Variants in ERCC5 observed in about 807,000 individuals in gnomAD.
The protein encoded by ERCC5 is ERCC excision repair 5, endonuclease, also known as DNA excision repair protein ERCC-5.
Under a neutral mutation model 105.6 loss-of-function variants are expected in ERCC5, and 68 were observed. The ratio of observed to expected loss-of-function variants is 0.64; its 90% CI spans 0.53 to 0.79. The LOEUF (loss-of-function observed/expected upper bound fraction) is 0.79. Among genes scored for constraint, ERCC5 ranks in the 30% least tolerant of loss-of-function variants. The pLI is 0.00. For missense variants in ERCC5, 1,373 were observed against 1,426.7 expected (o/e 0.96, Z 0.61); for synonymous variants, 546 against 526.2 (o/e 1.04, Z -0.51).
chr13:102,856,822 C>A (rs2140521790), intron 5 of ERCC5, among the ~76,000 whole-genome samples: 1 of 152,322 alleles, frequency 6.6e-6, no homozygotes, highest in East Asian at 1.9e-4. Context: ...CTCCACGTGG[C>A]CTGGGCATTT....
At chr13:102,860,720 A>G (rs1450814527) in intron 6 of ERCC5, among the ~76,000 whole-genome samples, 2 of 152,230 alleles carry the variant, frequency 1.3e-5, no homozygotes, top group African/African-American at 4.8e-5. Flanking sequence ...TTGTGAGAAT[A>G]AAATGAGGTA....
Position 102,848,935 on chromosome 13 carries a change from T to G in ERCC5, c.88+2581T>G, listed in dbSNP as rs572888556. ...ACCTCAGTCTCTATGATTTAGAATT[T>G]TAGGCCCATGGGGTTTAATAATCCG... On this transcript the variant is annotated intron_variant, in intron 1 of 14. Transcript: ENST00000652225. Among the ~76,000 whole-genome samples the G allele has an allele frequency of 3.3e-5, 5 of 152,292 alleles. 1 individual carries two copies. The highest frequency in any genetic ancestry group is 7.2e-5 in the African/African-American group (3 of 41,566).
In ERCC5 at chr13:102,846,044, G is replaced by A; in HGVS notation, c.-223G>A. The stretch of plus-strand genomic sequence containing the variant: ...TGGACCTGTCTTTCTTCCGGGAGGC[G>A]GTGACAGCTGCTGAGACGTGTTGCA... On this transcript the variant is annotated 5_prime_UTR_variant, in exon 1 of 15. Transcript: ENST00000652225. The A allele has an allele frequency of 7.1e-6, 4 of 564,984 alleles. No homozygotes were observed. The highest frequency in any genetic ancestry group is 4.6e-5 in the South Asian group (2 of 43,744). 35.0% of individuals were successfully genotyped at this position (564,984 alleles called of 1,614,324 possible).
At position 102,868,224 on chromosome 13, in the gene ERCC5, C is replaced by CT; in HGVS notation, c.2646dup (p.Gly883TrpfsTer16). Reference sequence around the variant, plus strand: ...GCCATGGAAATTCTCAATGAATTCCCTGGGCATGGCCTGGAACCTCTCCTA... The same window carrying CT: ...GCCATGGAAATTCTCAATGAATTCCCTTGGGCATGGCCTGGAACCTCTCCTA... On this transcript the variant is annotated frameshift_variant, in exon 12 of 15. Transcript: ENST00000652225. LOFTEE classifies it high-confidence loss of function. The CT allele has an allele frequency of 6.2e-7, 1 of 1,614,158 alleles. No individual in the cohort carries two copies. The highest frequency in any genetic ancestry group is 1.1e-5 in the South Asian group (1 of 91,086).
At chr13:102,868,902 T>G (rs937686384) in intron 12 of ERCC5, among the ~76,000 whole-genome samples, 3 of 152,232 alleles carry the variant, frequency 2.0e-5, no homozygotes, top group Non-Finnish European at 4.4e-5. Context: ...AAAGTAGTTT[T>G]TTCTTTGTCC....
In ERCC5 at chr13:102,853,805, A is replaced by G; in HGVS notation, c.313A>G (p.Thr105Ala). 1.2e-6 allele frequency: 2 copies of G among 1,614,252 alleles called. No individual in the cohort carries two copies. Among genetic ancestry groups the G allele is most frequent in the Non-Finnish European group, 1.7e-6 (2 of 1,180,046 alleles). Reference sequence around the variant, plus strand: ...CTTAGCGTCCAGTGACTCCAGGAAAACGACAGAGAAGCTTCTGAAAACATT... The same window carrying G: ...CTTAGCGTCCAGTGACTCCAGGAAAGCGACAGAGAAGCTTCTGAAAACATT... ...KDLASSDSRK[T>A]TEKLLKTFLK... is the part of the protein sequence containing the mutation. The change falls in exon 3 of 15, where the codon ACG becomes GCG. Residue 105 changes from threonine to alanine, a missense_variant. Physicochemically the swap from Thr to Ala is moderately conservative, Grantham distance 58. Coordinates refer to ENST00000652225, the MANE Select transcript of ERCC5 (RefSeq NM_000123.4).
At chr13:102,853,662 C>T (rs1882286090) in intron 2 of ERCC5, 95 bp from the exon 3 acceptor site, 3 of 1,302,912 alleles carry the variant, frequency 2.3e-6, no homozygotes, top group Non-Finnish European at 3.3e-6. Flanking sequence ...AGTCTGAAAA[C>T]TCAGACAAAC....
intron 11 of ERCC5, among the ~76,000 whole-genome samples, chr13:102,867,470 GA>G (rs1227007381): frequency 2.0e-5 from 3 of 152,172 alleles, no homozygotes; most frequent in African/African-American, 7.2e-5. Flanking sequence ...AAGCACTGTA[GA>G]TAGATACCTC....
chr13:102,855,268 T>C (rs1373434977), intron 4 of ERCC5, among the ~76,000 whole-genome samples: 1 of 152,180 alleles, frequency 6.6e-6, no homozygotes, highest in Non-Finnish European at 1.5e-5. Flanking sequence ...TTTCTTTTTT[T>C]TTTGAGATGG....
intron 2 of ERCC5, among the ~76,000 whole-genome samples, chr13:102,853,287 A>C (rs1476411712): frequency 6.6e-6 from 1 of 152,232 alleles, no homozygotes; most frequent in Non-Finnish European, 1.5e-5. Context: ...CACTACTTGA[A>C]CATTTCTTAC....
At chr13:102,848,827 G>A (rs1485236916) in intron 1 of ERCC5, among the ~76,000 whole-genome samples, 6 of 151,986 alleles carry the variant, frequency 3.9e-5, no homozygotes, top group Non-Finnish European at 1.5e-5. Flanking sequence ...TCATCTCTAA[G>A]AATTCAAGCC....
In ERCC5 at chr13:102,853,845, C is replaced by A. The variant is rs1262763058; in HGVS notation, c.353C>A (p.Ala118Asp). The A allele has an allele frequency of 1.2e-6, 2 of 1,614,126 alleles. No homozygotes were observed. Among genetic ancestry groups the A allele is most frequent in the Non-Finnish European group, 1.7e-6 (2 of 1,180,018 alleles). Reference protein sequence around the residue: ...KLLKTFLKRQAIKTAFRSKRD... With the variant: ...KLLKTFLKRQDIKTAFRSKRD... ...CTGAAAACATTTTTGAAAAGACAAG[C>A]CATCAAAACTGCCTTCAGAAGCAAA... The change falls in exon 3 of 15, where the codon GCC becomes GAC. Residue 118 changes from alanine to aspartate, a missense_variant. Around this residue, in one of 3 missense-constraint regions of ERCC5, gnomAD observed 1,004 missense variants for 1,059.7 expected, o/e 0.95. Transcript: ENST00000652225.
rs1172530202 is a variant in ERCC5 at position 102,875,563 on chromosome 13, G to C, written c.3221G>C (p.Arg1074Thr). The change falls in exon 15 of 15, where the codon AGG becomes ACG. Residue 1074 changes from arginine (R) to threonine (T), a missense_variant. Transcript: ENST00000652225. The part of the protein sequence containing the change: ...LEESSSLKRK[R>T]LSDSKGKNTC... ...GAGTCATCAAGCCTGAAAAGAAAGA[G>C]GCTTTCAGATTCTAAAGGAAAGAAT... is the stretch of plus-strand genomic sequence containing the variant. The C allele has an allele frequency of 1.8e-5, 29 of 1,612,804 alleles. No homozygotes were observed. Among genetic ancestry groups the C allele is most frequent in the Non-Finnish European group, 2.3e-5 (27 of 1,179,544 alleles).
chr13:102,862,493 A>G lies in ERCC5; in HGVS notation c.1344A>G (p.Ser448=). 6.2e-7 allele frequency: 1 copy of G among 1,614,164 alleles called. No homozygotes were observed. Among genetic ancestry groups the G allele is most frequent in the Non-Finnish European group, 8.5e-7 (1 of 1,180,038 alleles). ...KGIPFTATLA[S]SSVNSAEEHV... ...TACCGTTTACTGCAACACTTGCGTC[A>G]TCTAGTGTGAACTCTGCAGAGGAGC... Residue 448 remains serine, a synonymous_variant, in exon 8 of 15, where the codon TCA becomes TCG. Transcript: ENST00000652225.
chr13:102,858,002 C>T (rs1882488010), intron 5 of ERCC5, among the ~76,000 whole-genome samples: 1 of 152,174 alleles, frequency 6.6e-6, no homozygotes, highest in Non-Finnish European at 1.5e-5. Flanking sequence ...TATCCGATCT[C>T]ACAGTACCTT....
chr13:102,860,493 T>C (rs534981375), intron 6 of ERCC5, among the ~76,000 whole-genome samples: 1 of 152,272 alleles, frequency 6.6e-6, no homozygotes, highest in East Asian at 1.9e-4. Flanking sequence ...GGTTTGGTAC[T>C]TCTGCAGTTT....
intron 5 of ERCC5, among the ~76,000 whole-genome samples, chr13:102,857,399 C>T (rs143248086): frequency 6.6e-6 from 1 of 152,110 alleles, no homozygotes; most frequent in Admixed American, 6.6e-5. Flanking sequence ...CAATGCCTTC[C>T]TGATGGGGGT....
intron 1 of ERCC5, 39 bp downstream of exon 1, chr13:102,846,393 T>A: frequency 1.3e-6 from 2 of 1,570,308 alleles, no homozygotes; most frequent in Non-Finnish European, 1.8e-6. Flanking sequence ...GGTGCAGGGA[T>A]TCGGGGCTGG....
In ERCC5 at chr13:102,866,671, C is replaced by G; in HGVS notation, c.2359C>G (p.Pro787Ala). 5.6e-6 allele frequency: 9 copies of G among 1,614,048 alleles called. No homozygotes were observed. Among genetic ancestry groups the G allele is most frequent in the Non-Finnish European group, 7.6e-6 (9 of 1,180,020 alleles). Reference sequence around the variant, plus strand: ...GTTCGGCATTCCCTACATCCAGGCTCCCATGGAAGCAGAGGCGCAGTGCGC... The same window carrying G: ...GTTCGGCATTCCCTACATCCAGGCTGCCATGGAAGCAGAGGCGCAGTGCGC... ...RLFGIPYIQA[P>A]MEAEAQCAIL... is the part of the protein sequence containing the mutation. Residue 787 changes from proline to alanine, a missense_variant, in exon 11 of 15, where the codon CCC becomes GCC. By Grantham distance (27) the Pro-to-Ala change is conservative. Coordinates refer to ENST00000652225, the MANE Select transcript of ERCC5 (RefSeq NM_000123.4).
Sources: allele counts gnomAD v4.1 joint callset (sites outside exome capture counted in the v4.1 genomes callset), GRCh38; gene constraint gnomAD v4.1.1; regional missense constraint gnomAD v4.1.1; transcripts MANE v1.5; gene names NCBI Gene and HGNC (gene_info 2026-07-23, HGNC 2026-07-21).